The following PTPRQ variants were observed in gnomAD, a reference collection of about 807,000 sequenced individuals.
PTPRQ encodes the protein protein tyrosine phosphatase receptor type Q, also known as phosphatidylinositol phosphatase PTPRQ.
Under a neutral mutation model 246.0 loss-of-function variants are expected in PTPRQ, and 199 were observed. The observed-to-expected ratio is 0.81, with a 90% CI of 0.72 to 0.91. PTPRQ has a LOEUF of 0.91. Ranked by LOEUF, PTPRQ falls within the 40% of genes least tolerant of loss-of-function variation. The pLI, the probability that PTPRQ is intolerant of heterozygous loss-of-function variation, is 0.00. For missense variants in PTPRQ, 2,624 were observed against 2,528.4 expected, an observed-to-expected ratio of 1.04 and a Z score of -0.81; for synonymous variants, 869 against 853.2, an observed-to-expected ratio of 1.02 and a Z score of -0.32.
intron 25 of PTPRQ, 63 bp downstream of exon 25, chr12:80,549,797 C>A: frequency 6.8e-6 from 10 of 1,471,086 alleles, no homozygotes. Context: ...TGTGTCAATA[C>A]CACCTGCAAT....
chr12:80,572,370 A>G (rs1203567998), intron 25 of PTPRQ, among the ~76,000 whole-genome samples: 3 of 152,104 alleles, frequency 2.0e-5, no homozygotes, highest in Non-Finnish European at 4.4e-5. Context: ...ATCCTATGAC[A>G]TTGTTAAATT....
intron 3 of PTPRQ, among the ~76,000 whole-genome samples, chr12:80,452,642 T>C (rs1041142630): frequency 6.6e-5 from 10 of 152,206 alleles, no homozygotes; most frequent in Non-Finnish European, 1.5e-4. Flanking sequence ...TTTGGCTGGA[T>C]ATGAAATTCT....
chr12:80,554,523 G>C (rs537613217), intron 25 of PTPRQ, among the ~76,000 whole-genome samples: 3 of 152,252 alleles, frequency 2.0e-5, no homozygotes, highest in African/African-American at 7.2e-5. Context: ...AGAAAAATAA[G>C]GTACTTCCCT....
intron 35 of PTPRQ, among the ~76,000 whole-genome samples, chr12:80,642,535 G>A (rs1899902517): frequency 6.6e-6 from 1 of 152,144 alleles, no homozygotes; most frequent in Non-Finnish European, 1.5e-5. Context: ...TGCCACACTG[G>A]GGATCATACC....
rs778029422 is a variant in PTPRQ, at chr12:80,588,117, T to G, written c.4286-12T>G. On this transcript the variant is annotated splice_polypyrimidine_tract_variant and intron_variant, in intron 25 of 44. Transcript: ENST00000644991. Reference sequence around the variant, plus strand: ...ATTGTAACTGCTTTTAATTTTTCCCTTTAATTTTTAGTTCCCAGTGTTCCC... The same window carrying G: ...ATTGTAACTGCTTTTAATTTTTCCCGTTAATTTTTAGTTCCCAGTGTTCCC... 1 of 1,501,440 alleles carries G rather than the reference T, an allele frequency of 6.7e-7. No individual in the cohort carries two copies. The highest frequency in any genetic ancestry group is 8.9e-7 in the Non-Finnish European group (1 of 1,125,560). The allele number at this position is 1,501,440 out of a possible 1,614,324, so 93.0% of individuals were successfully genotyped here.
At chr12:80,666,277 A>G (rs1900784186) in intron 39 of PTPRQ, among the ~76,000 whole-genome samples, 1 of 152,046 alleles carries the variant, frequency 6.6e-6, no homozygotes. Context: ...AATATGGATG[A>G]GCTTGGAGAA....
chr12:80,564,786 T>C (rs1318080478), intron 25 of PTPRQ, among the ~76,000 whole-genome samples: 1 of 152,204 alleles, frequency 6.6e-6, no homozygotes, highest in Non-Finnish European at 1.5e-5. Context: ...TCTACTATAT[T>C]GTCTCCCCTA....
chr12:80,545,512 A>G (rs1431043583), intron 23 of PTPRQ, among the ~76,000 whole-genome samples: 1 of 152,020 alleles, frequency 6.6e-6, no homozygotes, highest in African/African-American at 2.4e-5. Flanking sequence ...TTCCATGAGG[A>G]TAGCTGATTA....
chr12:80,539,136 C>CT (rs1486479905), intron 19 of PTPRQ, among the ~76,000 whole-genome samples: 1 of 148,962 alleles, frequency 6.7e-6, no homozygotes, highest in Non-Finnish European at 1.5e-5. Context: ...TACCCTAATA[C>CT]TTTTTTTTAA....
chr12:80,454,740 G>A (rs763582688), intron 3 of PTPRQ, among the ~76,000 whole-genome samples: 2 of 151,830 alleles, frequency 1.3e-5, no homozygotes, highest in Admixed American at 6.6e-5. Flanking sequence ...GGCTAACAGG[G>A]CTGGGAGAAA....
At chr12:80,539,665 A>G in intron 19 of PTPRQ, 111 bp from the exon 20 acceptor site, 1 of 900,170 alleles carries the variant, frequency 1.1e-6, no homozygotes, top group Non-Finnish European at 1.5e-6. Context: ...CTAAAACAAC[A>G]TATTAAAATA....
At chr12:80,665,444 A>T (rs920762738) in intron 39 of PTPRQ, among the ~76,000 whole-genome samples, 1 of 152,062 alleles carries the variant, frequency 6.6e-6, no homozygotes, top group African/African-American at 2.4e-5. Context: ...ACTGAATTCT[A>T]AAGTCATATA....
In PTPRQ at chr12:80,588,344, G is replaced by A. The variant is rs1244159345; in HGVS notation, c.4501G>A (p.Val1501Ile). The stretch of plus-strand genomic sequence containing the variant: ...TGAAGCTCACTTAACTGAAGAGACA[G>A]TATATGGATTAAAGAAATTTAGATG... ...LYEAHLTEETVYGLKKFRWYR... is the reference protein window; with the variant it reads ...LYEAHLTEETIYGLKKFRWYR... The change falls in exon 26 of 45, where the codon GTA (valine) becomes ATA (isoleucine). Residue 1501 changes from valine (V) to isoleucine (I), a missense_variant. Coordinates refer to ENST00000644991, the MANE Select transcript of PTPRQ (RefSeq NM_001145026.2). The A allele has an allele frequency of 1.1e-5, 17 of 1,550,054 alleles. No homozygotes were observed. Among genetic ancestry groups the A allele is most frequent in the Admixed American group, 2.0e-5 (1 of 50,816 alleles).
chr12:80,503,290 G>C (rs1029226365), intron 14 of PTPRQ, among the ~76,000 whole-genome samples: 2 of 151,856 alleles, frequency 1.3e-5, no homozygotes, highest in African/African-American at 4.8e-5. Context: ...TTGGCCTGGG[G>C]AAACACTAGA....
At chr12:80,515,400 T>TA (rs1178246717) in intron 17 of PTPRQ, among the ~76,000 whole-genome samples, 1 of 151,286 alleles carries the variant, frequency 6.6e-6, no homozygotes, top group Non-Finnish European at 1.5e-5. Context: ...CAAATTCTTG[T>TA]AAAAAACATT....
intron 8 of PTPRQ, among the ~76,000 whole-genome samples, chr12:80,473,045 A>ACACACACACGCG (rs1555185233): frequency 1.1e-5 from 1 of 92,338 alleles, no homozygotes; most frequent in African/African-American, 3.1e-5. Flanking sequence ...ACTCACACAC[A>ACACACACACGCG]CGCACACACA....
rs1317861878 is a variant in PTPRQ at position 80,506,147 on chromosome 12, G to A, written c.2396G>A (p.Arg799Lys). The change falls in exon 15 of 45, where the codon AGA becomes AAA. Residue 799 changes from arginine (R) to lysine (K), a missense_variant. Coordinates refer to ENST00000644991, the MANE Select transcript of PTPRQ (RefSeq NM_001145026.2). ...CAAAAATATACAATTTATCTCAAGA[G>A]AAGTAATGGAAATGAGGAAAGAACT... is the stretch of plus-strand genomic sequence containing the variant. ...IIQKYTIYLK[R>K]SNGNEERTIN... The A allele has an allele frequency of 6.5e-7, 1 of 1,533,202 alleles. No homozygotes were observed. The highest frequency in any genetic ancestry group is 8.8e-7 in the Non-Finnish European group (1 of 1,140,338). 95.0% of individuals were successfully genotyped at this position (1,533,202 alleles called of 1,614,324 possible).
At chr12:80,573,076 A>G (rs780397007) in intron 25 of PTPRQ, among the ~76,000 whole-genome samples, 8 of 152,154 alleles carry the variant, frequency 5.3e-5, no homozygotes, top group Non-Finnish European at 1.0e-4. Flanking sequence ...TTCATCCTAA[A>G]CTATTTGATA....
chr12:80,496,294 G>T lies in PTPRQ; in HGVS notation c.2035G>T (p.Ala679Ser). ...AGATGTCGAAGTAATTGATGTTACC[G>T]CAGATGAAATAAGGTTGAAGTGGTC... ...PQDVEVIDVT[A>S]DEIRLKWSPP... is the part of the protein sequence containing the mutation. The change falls in exon 14 of 45, where the codon GCA becomes TCA. Residue 679 changes from alanine to serine, a missense_variant. By Grantham distance (99) the Ala-to-Ser change is moderately conservative. Coordinates refer to ENST00000644991, the MANE Select transcript of PTPRQ (RefSeq NM_001145026.2). 1.3e-6 allele frequency: 2 copies of T among 1,550,610 alleles called. No individual in the cohort carries two copies. Among genetic ancestry groups the T allele is most frequent in the East Asian group, 2.4e-5 (1 of 40,868 alleles).
Sources: gnomAD v4.1 joint callset for allele counts (sites outside exome capture counted in the v4.1 genomes callset) on GRCh38, gnomAD v4.1.1 for gene constraint, MANE v1.5 for transcripts, NCBI Gene and HGNC (gene_info 2026-07-23, HGNC 2026-07-21) for gene names.